ZNF366: variants seen among roughly 807,000 people sequenced by gnomAD.
ZNF366 encodes dendritic cell-specific transcript protein.
In ZNF366, 20 loss-of-function variants were observed where a neutral mutation model predicts 47.2. That is an observed-to-expected ratio of 0.42 (90% CI 0.30 to 0.62). The LOEUF (loss-of-function observed/expected upper bound fraction) is 0.62, where lower values mean the gene tolerates loss of function less well. Among genes scored for constraint, ZNF366 ranks in the 20% least tolerant of loss-of-function variants. The probability of loss-of-function intolerance (pLI) is 0.16; values close to 1 mark genes in which losing one functional copy is unlikely to be tolerated. For missense variants in ZNF366, 987 were observed against 976.3 expected, an observed-to-expected ratio of 1.01 and a Z score of -0.15; for synonymous variants, 421 against 395.1, an observed-to-expected ratio of 1.07 and a Z score of -0.78.
At chr5:72,481,782 G>A (rs1019180956) in intron 1 of ZNF366, among the ~76,000 whole-genome samples, 2 of 152,102 alleles carry the variant, frequency 1.3e-5, no homozygotes, top group South Asian at 2.1e-4. Flanking sequence ...ATTTCATGAC[G>A]TTGTGCTAAC....
chr5:72,497,094 T>C (rs1165946958), intron 1 of ZNF366, among the ~76,000 whole-genome samples: 1 of 152,196 alleles, frequency 6.6e-6, no homozygotes, highest in Non-Finnish European at 1.5e-5. Context: ...CGCTTGTCTT[T>C]TTATTTTTAT....
chr5:72,454,599 T>C (rs1025320898), intron 3 of ZNF366, among the ~76,000 whole-genome samples: 1 of 152,234 alleles, frequency 6.6e-6, no homozygotes, highest in African/African-American at 2.4e-5. Context: ...CAGGGGATTA[T>C]AAACTATGTT....
rs138429199 is a variant in ZNF366, at chr5:72,461,152, C to G, written c.345G>C (p.Leu115=). Residue 115 remains leucine, a synonymous_variant, in exon 2 of 5, where the codon CTG becomes CTC. Coordinates refer to ENST00000318442, the MANE Select transcript of ZNF366 (RefSeq NM_152625.3). ...ACTTGGGGCGCGGGGGCTGCGGGAACAGCAAAGGGAGGTTGGGAAGGCCGT... is the reference window on the plus strand; with the variant it reads ...ACTTGGGGCGCGGGGGCTGCGGGAAGAGCAAAGGGAGGTTGGGAAGGCCGT... ...KNHGLPNLPL[L]FPQPPRPKYD... The G allele has an allele frequency of 1.9e-6, 3 of 1,614,034 alleles. No individual in the cohort carries two copies. The highest frequency in any genetic ancestry group is 2.7e-5 in the African/African-American group (2 of 74,904).
intron 3 of ZNF366, among the ~76,000 whole-genome samples, chr5:72,450,044 G>A (rs1440438532): frequency 6.6e-6 from 1 of 152,216 alleles, no homozygotes; most frequent in Admixed American, 6.5e-5. Flanking sequence ...AATTCTTTCA[G>A]TTATTATCTG....
chr5:72,482,968 T>G (rs1743818466), intron 1 of ZNF366, among the ~76,000 whole-genome samples: 1 of 152,190 alleles, frequency 6.6e-6, no homozygotes, highest in Non-Finnish European at 1.5e-5. Context: ...AACTCAATAC[T>G]TTTTTGGCTG....
chr5:72,461,169 G>T lies in ZNF366; in HGVS notation c.328C>A (p.Pro110Thr). The T allele has an allele frequency of 1.9e-6, 3 of 1,614,170 alleles. No individual in the cohort carries two copies. Among genetic ancestry groups the T allele is most frequent in the Non-Finnish European group, 2.5e-6 (3 of 1,180,038 alleles). The change falls in exon 2 of 5, where the codon CCC becomes ACC. Residue 110 changes from proline to threonine, a missense_variant. Coordinates refer to ENST00000318442, the MANE Select transcript of ZNF366 (RefSeq NM_152625.3). The part of the protein sequence containing the change: ...HSEENKNHGL[P>T]NLPLLFPQPP... ...TGCGGGAACAGCAAAGGGAGGTTGG[G>T]AAGGCCGTGGTTTTTGTTCTCCTCT...
chr5:72,470,364 C>G (rs753830380), intron 1 of ZNF366, among the ~76,000 whole-genome samples: 13 of 152,186 alleles, frequency 8.5e-5, no homozygotes, highest in Non-Finnish European at 1.6e-4. Context: ...CATATTGCTG[C>G]AAGATTCTGC....
rs952631149 is a variant in ZNF366, at chr5:72,461,175, C to T, written c.322G>A (p.Gly108Ser). Residue 108 changes from glycine to serine, a missense_variant, in exon 2 of 5, where the codon GGC (glycine) becomes AGC (serine). Gly to Ser is a moderately conservative substitution (Grantham distance 56). Around this residue, in one of 3 missense-constraint regions of ZNF366, gnomAD observed 591 missense variants for 560.9 expected, o/e 1.05. Transcript: ENST00000318442. ...ALHSEENKNH[G>S]LPNLPLLFPQ... ...AACAGCAAAGGGAGGTTGGGAAGGC[C>T]GTGGTTTTTGTTCTCCTCTGAGTGG... 16 of 1,613,956 alleles carry T rather than the reference C, an allele frequency of 9.9e-6. No individual in the cohort carries two copies. Among genetic ancestry groups the T allele is most frequent in the Non-Finnish European group, 1.3e-5 (15 of 1,180,016 alleles).
At chr5:72,447,569 C>A in intron 3 of ZNF366, 152 bp from the exon 4 acceptor site, 1 of 848,164 alleles carries the variant, frequency 1.2e-6, no homozygotes, top group South Asian at 2.2e-5. Flanking sequence ...CAGGAAGGAG[C>A]CTCAGAGGTG....
chr5:72,489,843 A>G (rs980386649), intron 1 of ZNF366, among the ~76,000 whole-genome samples: 2 of 152,258 alleles, frequency 1.3e-5, no homozygotes, highest in Non-Finnish European at 2.9e-5. Context: ...CAGAAAGTAA[A>G]ACCCATGACC....
At chr5:72,480,650 C>T (rs948428466) in intron 1 of ZNF366, among the ~76,000 whole-genome samples, 4 of 151,996 alleles carry the variant, frequency 2.6e-5, no homozygotes, top group Admixed American at 6.5e-5. Flanking sequence ...GTGAGGCGAA[C>T]CTAAGACAGA....
At chr5:72,464,292 T>C (rs1743389184) in intron 1 of ZNF366, among the ~76,000 whole-genome samples, 1 of 152,200 alleles carries the variant, frequency 6.6e-6, no homozygotes, top group South Asian at 2.1e-4. Context: ...TGCTGTAGCT[T>C]ATACTGGAAA....
In ZNF366 at chr5:72,447,411, C is replaced by T; in HGVS notation, c.1531G>A (p.Gly511Arg). 1 of 1,614,138 alleles carries T rather than the reference C, an allele frequency of 6.2e-7. No homozygotes were observed. The highest frequency in any genetic ancestry group is 8.5e-7 in the Non-Finnish European group (1 of 1,180,012). Residue 511 changes from glycine (G) to arginine (R), a missense_variant, in exon 4 of 5, where the codon GGG becomes AGG. Physicochemically the swap from Gly to Arg is moderately radical, Grantham distance 125 (BLOSUM62 -2). This residue lies in a region of ZNF366 where 111 missense variants were observed against 180.5 expected (regional missense o/e 0.61). Transcript: ENST00000318442. ...DVKPFKCKLC[G>R]KEFNRMHNLM... ...TTGTGCATCCGGTTGAATTCCTTCC[C>T]ACAAAGCTGTTGAAGATGGGGATGA...
chr5:72,450,753 C>A (rs1234128898), intron 3 of ZNF366, among the ~76,000 whole-genome samples: 1 of 152,200 alleles, frequency 6.6e-6, no homozygotes. Context: ...ATCCAGAACA[C>A]TTGGCCTTCT....
intron 1 of ZNF366, among the ~76,000 whole-genome samples, chr5:72,505,834 G>C (rs901561521): frequency 6.6e-6 from 1 of 152,196 alleles, no homozygotes; most frequent in Non-Finnish European, 1.5e-5. Context: ...TGGTAGGGTA[G>C]CAGTAAAACA....
intron 1 of ZNF366, among the ~76,000 whole-genome samples, chr5:72,473,144 AT>A (rs1409057268): frequency 6.6e-6 from 1 of 152,206 alleles, no homozygotes; most frequent in Non-Finnish European, 1.5e-5. Context: ...TCTTAAGAGA[AT>A]TTTGTTCTGT....
intron 1 of ZNF366, among the ~76,000 whole-genome samples, chr5:72,503,546 C>T (rs944827082): frequency 6.6e-6 from 1 of 152,080 alleles, no homozygotes; most frequent in Non-Finnish European, 1.5e-5. Context: ...CACACACACA[C>T]ACACACACAC....
At chr5:72,478,071 G>A (rs1743711410) in intron 1 of ZNF366, among the ~76,000 whole-genome samples, 1 of 151,982 alleles carries the variant, frequency 6.6e-6, no homozygotes, top group South Asian at 2.1e-4. Context: ...AAGTTTTGGT[G>A]GGAAAAGACA....
chr5:72,450,611 A>G (rs918975343), intron 3 of ZNF366, among the ~76,000 whole-genome samples: 4 of 152,032 alleles, frequency 2.6e-5, no homozygotes, highest in African/African-American at 9.7e-5. Flanking sequence ...TTCAAACTAA[A>G]CTCCTCAGTG....
Sources: gnomAD v4.1 joint callset for allele counts (sites outside exome capture counted in the v4.1 genomes callset) on GRCh38, gnomAD v4.1.1 for gene constraint, gnomAD v4.1.1 regional missense constraint, MANE v1.5 for transcripts, NCBI Gene and HGNC (gene_info 2026-07-23, HGNC 2026-07-21) for gene names.